The following ITIH2 variants were observed in gnomAD, a reference collection of about 807,000 sequenced individuals.
ITIH2 encodes the protein inter-alpha-trypsin inhibitor heavy chain H2.
A neutral mutation model predicts 104.4 loss-of-function variants in ITIH2; 103 were observed. That is an observed-to-expected ratio of 0.99 (90% CI 0.84 to 1.16). The LOEUF is 1.16. ITIH2 is among the 50% of genes most tolerant of loss of function. The probability of loss-of-function intolerance (pLI) is 0.00; values close to 1 mark genes in which losing one functional copy is unlikely to be tolerated. For synonymous variants in ITIH2, 436 were observed against 435.4 expected (o/e 1.00, Z -0.02); for missense variants, 1,108 against 1,162.4 (o/e 0.95, Z 0.68).
intron 8 of ITIH2, among the ~76,000 whole-genome samples, chr10:7,722,125 C>T (rs559627316): frequency 3.9e-5 from 6 of 152,158 alleles, no homozygotes; most frequent in Admixed American, 1.3e-4. Context: ...AGGAGGAAGG[C>T]GCATCCACAG....
At chr10:7,707,165 A>T in intron 2 of ITIH2, 36 bp from the exon 3 acceptor site, 1 of 1,527,464 alleles carries the variant, frequency 6.5e-7, no homozygotes. Flanking sequence ...TAAGTGACAT[A>T]CAGTTGAAGA....
chr10:7,713,542 A>G (rs1834817416), intron 5 of ITIH2, among the ~76,000 whole-genome samples: 2 of 152,254 alleles, frequency 1.3e-5, no homozygotes, highest in Admixed American at 6.5e-5. Flanking sequence ...TGTTCTGTAA[A>G]TAAACACTGC....
chr10:7,728,484 TG>T (rs1345616075), intron 11 of ITIH2, among the ~76,000 whole-genome samples: 2 of 152,130 alleles, frequency 1.3e-5, no homozygotes, highest in Non-Finnish European at 2.9e-5. Flanking sequence ...CATGCTCAAG[TG>T]ATCCTCCTAC....
intron 8 of ITIH2, among the ~76,000 whole-genome samples, chr10:7,722,292 GTC>G (rs918842881): frequency 6.7e-6 from 1 of 148,698 alleles, no homozygotes; most frequent in African/African-American, 2.6e-5. Flanking sequence ...AACTCCAAGA[GTC>G]TCTCTAGGGA....
At position 7,730,142 on chromosome 10, in the gene ITIH2, T is replaced by C. The variant is rs778873496; in HGVS notation, c.1461+9T>C. The C allele has an allele frequency of 6.3e-7, 1 of 1,576,042 alleles. No homozygotes were observed. The highest frequency in any genetic ancestry group is 2.2e-5 in the East Asian group (1 of 44,516). On this transcript the variant is annotated intron_variant, in intron 12 of 20. Coordinates refer to ENST00000358415, the MANE Select transcript of ITIH2 (RefSeq NM_002216.3). ...CGTCTTCCCAGCTTAAGGTAACATT[T>C]TCTTCTGTTCTTTTTTTATTCTTCA...
At chr10:7,707,144 T>G in intron 2 of ITIH2, 57 bp from the exon 3 acceptor site, 1 of 1,291,660 alleles carries the variant, frequency 7.7e-7, no homozygotes, top group Non-Finnish European at 1.1e-6. Context: ...CGGTTTTGGC[T>G]CTCAAGGTAA....
intron 9 of ITIH2, among the ~76,000 whole-genome samples, chr10:7,726,413 AGTT>A (rs1358148734): frequency 6.6e-6 from 1 of 152,218 alleles, no homozygotes; most frequent in Non-Finnish European, 1.5e-5. Context: ...AAATACTGCT[AGTT>A]GTTCTTTATT....
rs534375895 is a variant in ITIH2, at chr10:7,746,508, C to T, written c.2582-85C>T. On this transcript the variant is annotated intron_variant, in intron 19 of 20. Coordinates refer to ENST00000358415, the MANE Select transcript of ITIH2 (RefSeq NM_002216.3). ...ACCCTAGAAATCCTGGAGGGAGGACCGAAAGGTAGCATGGAGTCAATAATG... is the reference window on the plus strand; with the variant it reads ...ACCCTAGAAATCCTGGAGGGAGGACTGAAAGGTAGCATGGAGTCAATAATG... 168 of 872,646 alleles carry T rather than the reference C, an allele frequency of 1.9e-4. 2 individuals are homozygous for T. In the African/African-American group the frequency reaches 2.0e-3, roughly 11 times the overall value. 54.1% of individuals were successfully genotyped at this position (872,646 alleles called of 1,614,324 possible).
At chr10:7,732,534 G>A in intron 14 of ITIH2, 57 bp downstream of exon 14, 1 of 1,571,852 alleles carries the variant, frequency 6.4e-7, no homozygotes, top group Non-Finnish European at 8.7e-7. Context: ...TGTCCACCGT[G>A]AATATATGAA....
At chr10:7,745,642 A>G (rs1316093898) in intron 19 of ITIH2, among the ~76,000 whole-genome samples, 1 of 152,006 alleles carries the variant, frequency 6.6e-6, no homozygotes, top group East Asian at 2.0e-4. Context: ...CCAGCTACTC[A>G]GGAAGCTGAG....
chr10:7,746,763 C>A, intron 20 of ITIH2, 59 bp downstream of exon 20: 1 of 1,037,346 alleles, frequency 9.6e-7, no homozygotes, highest in Non-Finnish European at 1.5e-6. Flanking sequence ...TAGACCCACA[C>A]AGCAAAATAG....
chr10:7,704,426 C>G (rs1834725736), intron 1 of ITIH2, among the ~76,000 whole-genome samples: 1 of 152,216 alleles, frequency 6.6e-6, no homozygotes, highest in Non-Finnish European at 1.5e-5. Context: ...TCATTTCTAA[C>G]TGGCATTTCC....
chr10:7,749,070 G>C (rs1485662942), intron 20 of ITIH2, 117 bp from the exon 21 acceptor site: 1 of 983,806 alleles, frequency 1.0e-6, no homozygotes, highest in Non-Finnish European at 1.6e-6. Context: ...AGCAGCGATA[G>C]GTGGGGGGCG....
At position 7,727,842 on chromosome 10, in the gene ITIH2, C is replaced by A. The variant is rs1158682633; in HGVS notation, c.1279+14C>A. ...ATCCAACAGTGGGCAAGTGTCACTT[C>A]AACCTTCTCACGACAAACACTTTCA... On this transcript the variant is annotated intron_variant, in intron 11 of 20. Transcript: ENST00000358415. 1 of 1,613,914 alleles carries A rather than the reference C, an allele frequency of 6.2e-7. No homozygotes were observed. Among genetic ancestry groups the A allele is most frequent in the East Asian group, 2.2e-5 (1 of 44,876 alleles).
chr10:7,732,897 T>C (rs1019481512), intron 14 of ITIH2, among the ~76,000 whole-genome samples: 2 of 151,980 alleles, frequency 1.3e-5, no homozygotes, highest in African/African-American at 2.4e-5. Flanking sequence ...CCAGCTAATT[T>C]TTTTGTATTT....
At chr10:7,712,608 A>G (rs1834806428) in intron 4 of ITIH2, among the ~76,000 whole-genome samples, 1 of 152,226 alleles carries the variant, frequency 6.6e-6, no homozygotes, top group Non-Finnish European at 1.5e-5. Context: ...AGATGAGGAA[A>G]AATCTATAAA....
chr10:7,710,590 A>G (rs768916320), intron 4 of ITIH2, among the ~76,000 whole-genome samples: 7 of 152,178 alleles, frequency 4.6e-5, no homozygotes, highest in Non-Finnish European at 1.0e-4. Flanking sequence ...TTCATACACC[A>G]AGGTAATCAG....
intron 2 of ITIH2, among the ~76,000 whole-genome samples, chr10:7,706,702 G>A (rs961042269): frequency 6.6e-6 from 1 of 152,148 alleles, no homozygotes; most frequent in South Asian, 2.1e-4. Flanking sequence ...CTAGTCTTGG[G>A]GTGTTAGAGA....
intron 6 of ITIH2, among the ~76,000 whole-genome samples, 183 bp downstream of exon 6, chr10:7,717,971 G>A (rs573837877): frequency 1.3e-5 from 2 of 152,126 alleles, no homozygotes; most frequent in South Asian, 2.1e-4. Flanking sequence ...TATGGCTCTC[G>A]GTCTCCTTAG....
Sources: gnomAD v4.1 joint callset for allele counts (sites outside exome capture counted in the v4.1 genomes callset) on GRCh38, gnomAD v4.1.1 for gene constraint, MANE v1.5 for transcripts, NCBI Gene and HGNC (gene_info 2026-07-23, HGNC 2026-07-21) for gene names.